The following KLHL20 variants were observed in gnomAD, a reference collection of about 807,000 sequenced individuals.
KLHL20 encodes the protein kelch-like protein 20.
A neutral mutation model predicts 69.5 loss-of-function variants in KLHL20; 29 were observed. The observed-to-expected ratio is 0.42, with a 90% CI of 0.31 to 0.57. The LOEUF (loss-of-function observed/expected upper bound fraction) is 0.57, where lower values mean the gene tolerates loss of function less well. Among genes scored for constraint, KLHL20 ranks in the 20% least tolerant of loss-of-function variants. The pLI is 0.18. For synonymous variants in KLHL20, 253 were observed against 265.2 expected (o/e 0.95, Z 0.45); for missense variants, 419 against 776.0 (o/e 0.54, Z 5.47).
intron 2 of KLHL20, among the ~76,000 whole-genome samples, chr1:173,733,003 G>C (rs1003823911): frequency 6.8e-6 from 1 of 147,500 alleles, no homozygotes; most frequent in Non-Finnish European, 1.5e-5. Context: ...TCTATATAAA[G>C]ATAAACTTCA....
chr1:173,775,022 G>C (rs1044137476), intron 9 of KLHL20, among the ~76,000 whole-genome samples: 6 of 152,046 alleles, frequency 3.9e-5, no homozygotes, highest in Admixed American at 3.3e-4. Context: ...TGTTGCCCAG[G>C]TTGGTCTCAA....
Position 173,757,021 on chromosome 1 carries a change from A to C in KLHL20, c.1013A>C (p.Tyr338Ser). 1 of 1,614,154 alleles carries C rather than the reference A, an allele frequency of 6.2e-7. No individual in the cohort carries two copies. The highest frequency in any genetic ancestry group is 8.5e-7 in the Non-Finnish European group (1 of 1,180,018). ...GATGCCATTTCCAGTGTTGAACGAT[A>C]TGATCCACAGACCAATGAATGGAGA... Reference protein sequence around the residue: ...SGDAISSVERYDPQTNEWRMV... With the variant: ...SGDAISSVERSDPQTNEWRMV... Residue 338 changes from tyrosine (Y) to serine (S), a missense_variant, in exon 7 of 12, where the codon TAT becomes TCT. By Grantham distance (144) the Tyr-to-Ser change is moderately radical. Coordinates refer to ENST00000209884, the MANE Select transcript of KLHL20 (RefSeq NM_014458.4).
At chr1:173,754,981 C>T (rs1320157359) in intron 5 of KLHL20, among the ~76,000 whole-genome samples, 5 of 151,406 alleles carry the variant, frequency 3.3e-5, no homozygotes, top group African/African-American at 1.2e-4. Flanking sequence ...TTGGTTTGCT[C>T]AATATTATAG....
intron 3 of KLHL20, among the ~76,000 whole-genome samples, chr1:173,740,051 C>G (rs1672724971): frequency 6.6e-6 from 1 of 150,714 alleles, no homozygotes; most frequent in African/African-American, 2.4e-5. Flanking sequence ...GCTTTTCTTT[C>G]ATTTCTCTTT....
chr1:173,757,192 C>T (rs901043595), intron 7 of KLHL20, 33 bp downstream of exon 7: 1 of 1,536,384 alleles, frequency 6.5e-7, no homozygotes, highest in Non-Finnish European at 8.9e-7. Flanking sequence ...TTTCTCTCTA[C>T]TATTCATATA....
intron 9 of KLHL20, among the ~76,000 whole-genome samples, chr1:173,775,194 C>T (rs1027364891): frequency 1.3e-5 from 2 of 151,644 alleles, no homozygotes; most frequent in African/African-American, 4.9e-5. Flanking sequence ...CCAGATTCGT[C>T]ACGTCTTGTC....
rs889195076 is a variant in KLHL20, at chr1:173,769,399, G to A, written c.1295+3110G>A. Among the ~76,000 whole-genome samples, 6 of 152,180 alleles carry A rather than the reference G, an allele frequency of 3.9e-5. No individual in the cohort carries two copies. In the East Asian group the frequency reaches 9.6e-4, roughly 24 times the overall value. ...ATCTTCCAGGTCAGGACCCTACACT[G>A]AGGAGAATCAAAATTAAGCAGGACG... is the stretch of plus-strand genomic sequence containing the variant. On this transcript the variant is annotated intron_variant, in intron 8 of 11. Transcript: ENST00000209884.
chr1:173,724,783 T>C (rs755054989), intron 2 of KLHL20, among the ~76,000 whole-genome samples: 3 of 152,164 alleles, frequency 2.0e-5, no homozygotes, highest in Non-Finnish European at 4.4e-5. Context: ...CCAGCCTGGG[T>C]GACAGAGCAA....
chr1:173,754,870 C>T (rs1295505504), intron 5 of KLHL20, among the ~76,000 whole-genome samples: 1 of 152,114 alleles, frequency 6.6e-6, no homozygotes, highest in Admixed American at 6.6e-5. Context: ...GTGCCTATTC[C>T]ATAAGGCTGT....
At chr1:173,780,036 A>C (rs1648757049) in intron 10 of KLHL20, among the ~76,000 whole-genome samples, 1 of 152,228 alleles carries the variant, frequency 6.6e-6, no homozygotes, top group Non-Finnish European at 1.5e-5. Flanking sequence ...CATCCACAAC[A>C]GGAAGGAGAA....
intron 8 of KLHL20, among the ~76,000 whole-genome samples, chr1:173,768,749 G>A (rs1647891158): frequency 6.6e-6 from 1 of 152,140 alleles, no homozygotes; most frequent in African/African-American, 2.4e-5. Flanking sequence ...TATGTTATGT[G>A]TGTTTTACCA....
chr1:173,725,591 C>G (rs1204673768), intron 2 of KLHL20, among the ~76,000 whole-genome samples: 1 of 152,152 alleles, frequency 6.6e-6, no homozygotes, highest in Non-Finnish European at 1.5e-5. Flanking sequence ...TGTCCAGAAC[C>G]CATTTTAGAG....
chr1:173,766,479 C>CAA (rs1216941305), intron 8 of KLHL20, among the ~76,000 whole-genome samples, 190 bp downstream of exon 8: 994 of 99,386 alleles, frequency 0.01, 14 homozygotes, highest in African/African-American at 0.031. Flanking sequence ...ATAAAAAATA[C>CAA]AAAAAAAAAA....
Position 173,757,102 on chromosome 1 carries a change from A to G in KLHL20, c.1094A>G (p.Asp365Gly), listed in dbSNP as rs1274473234. ...GGAGTTGGGGTCAGTGTTCTTGATG[A>G]TCTGTTATATGCAGTAGGAGGCCAT... ...RCGVGVSVLDDLLYAVGGHDG... is the reference protein window; with the variant it reads ...RCGVGVSVLDGLLYAVGGHDG... Residue 365 changes from aspartate (D) to glycine (G), a missense_variant, in exon 7 of 12, where the codon GAT (aspartate) becomes GGT (glycine). Asp to Gly is a moderately conservative substitution (Grantham distance 94). Coordinates refer to ENST00000209884, the MANE Select transcript of KLHL20 (RefSeq NM_014458.4). 4 of 1,613,976 alleles carry G rather than the reference A, an allele frequency of 2.5e-6. No individual in the cohort carries two copies. The highest frequency in any genetic ancestry group is 3.4e-6 in the Non-Finnish European group (4 of 1,179,992).
chr1:173,758,588 T>C (rs998937931), intron 7 of KLHL20, among the ~76,000 whole-genome samples: 2 of 152,144 alleles, frequency 1.3e-5, no homozygotes, highest in Non-Finnish European at 2.9e-5. Flanking sequence ...GACCCTCCTC[T>C]CCCAAACACA....
At chr1:173,750,457 G>A (rs994544194) in intron 3 of KLHL20, among the ~76,000 whole-genome samples, 2 of 151,314 alleles carry the variant, frequency 1.3e-5, no homozygotes, top group African/African-American at 2.4e-5. Context: ...CTACAGGCAC[G>A]CACCACCATG....
intron 3 of KLHL20, among the ~76,000 whole-genome samples, chr1:173,748,264 G>A (rs1208100164): frequency 6.6e-6 from 1 of 152,052 alleles, no homozygotes; most frequent in Non-Finnish European, 1.5e-5. Flanking sequence ...AAGTCTTTCA[G>A]AAAAGGAGAA....
chr1:173,779,839 A>G (rs1020512352), intron 10 of KLHL20, among the ~76,000 whole-genome samples: 4 of 152,158 alleles, frequency 2.6e-5, no homozygotes, highest in Non-Finnish European at 4.4e-5. Context: ...GTCCCCACAA[A>G]CTAGTTTGAG....
Position 173,755,810 on chromosome 1 carries a change from G to C in KLHL20, c.852-113G>C. 3 of 632,096 alleles carry C rather than the reference G, an allele frequency of 4.7e-6. No individual in the cohort carries two copies. The South Asian group carries it at 6.0e-5, about 13-fold the overall frequency. The allele number at this position is 632,096 out of a possible 1,614,324, so 39.2% of individuals were successfully genotyped here. A position where few individuals can be genotyped will look rare whatever the true frequency, so the allele number is the denominator to read the frequency against. On this transcript the variant is annotated intron_variant, in intron 5 of 11. Transcript: ENST00000209884. ...TAATATTGGCTGGCATTCATGATTT[G>C]GTTTGATTTATGCTTGCTTCCCTTT... is the stretch of plus-strand genomic sequence containing the variant.
Sources: allele counts gnomAD v4.1 joint callset (sites outside exome capture counted in the v4.1 genomes callset), GRCh38; gene constraint gnomAD v4.1.1; transcripts MANE v1.5; gene names NCBI Gene and HGNC (gene_info 2026-07-23, HGNC 2026-07-21).